KIRREL3: variants seen among roughly 807,000 people sequenced by gnomAD.
The protein encoded by KIRREL3 is kirre like nephrin family adhesion molecule 3.
KIRREL3 carries 36 observed loss-of-function variants against 89.7 expected under a neutral mutation model. The ratio of observed to expected loss-of-function variants is 0.40; its 90% CI spans 0.31 to 0.53. The LOEUF is 0.53. KIRREL3 is among the 20% of genes least tolerant of loss of function. The pLI, the probability that KIRREL3 is intolerant of heterozygous loss-of-function variation, is 0.49. For missense variants in KIRREL3, 864 were observed against 1,056.6 expected (o/e 0.82, Z 2.53); for synonymous variants, 445 against 441.4 (o/e 1.01, Z -0.10).
intron 1 of KIRREL3, among the ~76,000 whole-genome samples, chr11:126,956,019 G>T (rs1253488218): frequency 6.6e-6 from 1 of 152,178 alleles, no homozygotes; most frequent in African/African-American, 2.4e-5. Flanking sequence ...GGGACCCATT[G>T]CTGGGCTCTC....
Position 126,655,255 on chromosome 11 carries a change from C to T in KIRREL3, c.56-92343G>A, listed in dbSNP as rs1945084808. Among the ~76,000 whole-genome samples, 1 of 152,222 alleles carries T rather than the reference C, an allele frequency of 6.6e-6. No homozygotes were observed. On this transcript the variant is annotated intron_variant, in intron 1 of 16. Coordinates refer to ENST00000525144, the MANE Select transcript of KIRREL3 (RefSeq NM_032531.4). This position sits in a 1 kb window ranked among gnomAD's most constrained non-coding sequence, Gnocchi z 5.0. The stretch of plus-strand genomic sequence containing the variant: ...GATGTCAAAGCCTCACCCAGGAGAG[C>T]TCTCGCTGTTGCCTGCTTTTATCTG...
At chr11:126,445,201 T>C in intron 9 of KIRREL3, 96 bp from the exon 10 acceptor site, 3 of 1,470,506 alleles carry the variant, frequency 2.0e-6, no homozygotes, top group Non-Finnish European at 2.8e-6. Context: ...CTGGGGTAAC[T>C]GAGGCAGTCT....
Position 126,446,915 on chromosome 11 carries a change from T to G in KIRREL3, c.998-29A>C, listed in dbSNP as rs1955841390. ...CGATGTGAGGAAGAAGAAGACAGGTTCAGGTGGGTGGGGAGCTCTGGGATC... is the reference window on the plus strand; with the variant it reads ...CGATGTGAGGAAGAAGAAGACAGGTGCAGGTGGGTGGGGAGCTCTGGGATC... On this transcript the variant is annotated intron_variant, in intron 8 of 16. Coordinates refer to ENST00000525144, the MANE Select transcript of KIRREL3 (RefSeq NM_032531.4). 1.1e-5 allele frequency: 17 copies of G among 1,598,836 alleles called. No homozygotes were observed. In the Middle Eastern group the frequency reaches 2.8e-3, roughly 265 times the overall value.
chr11:126,441,816 G>A lies in KIRREL3; in HGVS notation c.1253-1267C>T, dbSNP rs531459755. On this transcript the variant is annotated intron_variant, in intron 10 of 16. Transcript: ENST00000525144. This position sits in a 1 kb window ranked among gnomAD's most constrained non-coding sequence, Gnocchi z 5.0. ...GGGCTCGGGGCAGCGTGAGGTGGGCGTGGGGGACCCTCCATGGCTTTAAGA... is the reference window on the plus strand; with the variant it reads ...GGGCTCGGGGCAGCGTGAGGTGGGCATGGGGGACCCTCCATGGCTTTAAGA... Among the ~76,000 whole-genome samples the A allele has an allele frequency of 1.3e-5, 2 of 152,156 alleles. No homozygotes were observed. Among genetic ancestry groups the A allele is most frequent in the Non-Finnish European group, 2.9e-5 (2 of 68,026 alleles).
Position 126,676,745 on chromosome 11 carries a change from G to T in KIRREL3, c.56-113833C>A, listed in dbSNP as rs1743849172. Among the ~76,000 whole-genome samples, 3 of 151,594 alleles carry T rather than the reference G, an allele frequency of 2.0e-5. No homozygotes were observed. The highest frequency in any genetic ancestry group is 6.6e-5 in the Admixed American group (1 of 15,232). On this transcript the variant is annotated intron_variant, in intron 1 of 16. Coordinates refer to ENST00000525144, the MANE Select transcript of KIRREL3 (RefSeq NM_032531.4). This position sits in a 1 kb window ranked among gnomAD's most constrained non-coding sequence, Gnocchi z 4.5. ...GCTTCCCATGGCAACATGTGGTGTT[G>T]TTTTTACTACTGCAACTTTTTATTT...
intron 1 of KIRREL3, among the ~76,000 whole-genome samples, chr11:126,775,237 A>G (rs1480052865): frequency 6.6e-6 from 1 of 152,180 alleles, no homozygotes; most frequent in Non-Finnish European, 1.5e-5. Flanking sequence ...AGATATGCTC[A>G]CTTAAGGAGT....
In KIRREL3 at chr11:126,780,935, A is replaced by G. The variant is rs1309698735; in HGVS notation, c.56-218023T>C. 1.3e-5 allele frequency among the ~76,000 whole-genome samples: 2 copies of G among 152,232 alleles called. No homozygotes were observed. Among genetic ancestry groups the G allele is most frequent in the African/African-American group, 4.8e-5 (2 of 41,456 alleles). On this transcript the variant is annotated intron_variant, in intron 1 of 16. Transcript: ENST00000525144. The surrounding 1 kb of genome is among the most constrained non-coding windows in gnomAD (Gnocchi z 5.3). ...ATGGCTTAGTTTGTTATGAGTTTCA[A>G]TCTATCATAGATGCTAAATAAAAGT... is the stretch of plus-strand genomic sequence containing the variant.
intron 1 of KIRREL3, among the ~76,000 whole-genome samples, chr11:126,613,893 T>TTTTTTTTTTTTTTTTTTTTTTG (rs371748740): frequency 2.5e-5 from 3 of 118,642 alleles, no homozygotes; most frequent in Non-Finnish European, 3.4e-5. Context: ...TTTTTTTTTT[T>TTTTTTTTTTTTTTTTTTTTTTG]ATTTTTTTCC....
intron 1 of KIRREL3, among the ~76,000 whole-genome samples, chr11:126,964,046 C>T (rs948345421): frequency 6.6e-6 from 1 of 152,182 alleles, no homozygotes; most frequent in Non-Finnish European, 1.5e-5. Context: ...GGACCTATCT[C>T]ATGAATTTTT....
intron 2 of KIRREL3, among the ~76,000 whole-genome samples, chr11:126,545,609 T>A (rs1316733988): frequency 5.4e-5 from 6 of 110,982 alleles, no homozygotes; most frequent in African/African-American, 2.5e-4. Context: ...TCTCAATTTT[T>A]AAAAATAAAA....
At chr11:126,478,270 C>T (rs1957121883) in intron 4 of KIRREL3, among the ~76,000 whole-genome samples, 2 of 152,244 alleles carry the variant, frequency 1.3e-5, no homozygotes, top group South Asian at 4.1e-4. Flanking sequence ...CACTACCCAC[C>T]CCTGCACTTT....
chr11:126,938,358 C>A lies in KIRREL3; in HGVS notation c.55+62097G>T, dbSNP rs536036602. On this transcript the variant is annotated intron_variant, in intron 1 of 16. Transcript: ENST00000525144. ...CTAATGACACTGGGCACTTGACTGG[C>A]ATATTTTCTCTAATTCTTACAACTC... Among the ~76,000 whole-genome samples the A allele has an allele frequency of 3.3e-5, 5 of 152,286 alleles. No homozygotes were observed. The East Asian group carries it at 9.7e-4, about 29-fold the overall frequency.
rs1246137909 is a variant in KIRREL3 at position 126,896,947 on chromosome 11, G to A, written c.55+103508C>T. On this transcript the variant is annotated intron_variant, in intron 1 of 16. Coordinates refer to ENST00000525144, the MANE Select transcript of KIRREL3 (RefSeq NM_032531.4). This position sits in a 1 kb window ranked among gnomAD's most constrained non-coding sequence, Gnocchi z 4.1. Reference sequence around the variant, plus strand: ...TTGATATTTCTGGCTCCTTTCTTTTGTTACTCTAAGACTTTGCAGAATCAA... The same window carrying A: ...TTGATATTTCTGGCTCCTTTCTTTTATTACTCTAAGACTTTGCAGAATCAA... 1.3e-5 allele frequency among the ~76,000 whole-genome samples: 2 copies of A among 152,006 alleles called. No individual in the cohort carries two copies. Among genetic ancestry groups the A allele is most frequent in the Non-Finnish European group, 2.9e-5 (2 of 68,018 alleles).
intron 1 of KIRREL3, chr11:126,992,520 G>T (rs1454070278): frequency 6.6e-6 from 1 of 152,266 alleles, no homozygotes; most frequent in Non-Finnish European, 1.5e-5. Context: ...ACAGGCCAAA[G>T]TGTGGAACAT....
chr11:126,686,533 C>A lies in KIRREL3; in HGVS notation c.56-123621G>T, dbSNP rs1015215182. ...ACTGAGCGGGGAGGGTGGGGAGGGA[C>A]TGTGCGTTCCTGCGCATGTTACCCT... On this transcript the variant is annotated intron_variant, in intron 1 of 16. Coordinates refer to ENST00000525144, the MANE Select transcript of KIRREL3 (RefSeq NM_032531.4). The surrounding 1 kb of genome is among the most constrained non-coding windows in gnomAD (Gnocchi z 4.7). Among the ~76,000 whole-genome samples, 1 of 152,016 alleles carries A rather than the reference C, an allele frequency of 6.6e-6. No individual in the cohort carries two copies. The highest frequency in any genetic ancestry group is 1.5e-5 in the Non-Finnish European group (1 of 67,992).
chr11:126,451,335 T>TGTGTGCATGTGTGTGC (rs766149803), intron 7 of KIRREL3, among the ~76,000 whole-genome samples: 3 of 141,226 alleles, frequency 2.1e-5, no homozygotes, highest in African/African-American at 5.5e-5. Context: ...CATTAGTGAG[T>TGTGTGCATGTGTGTGC]GTGTGCATGT....
At chr11:126,730,537 C>T (rs1948575603) in intron 1 of KIRREL3, among the ~76,000 whole-genome samples, 1 of 152,130 alleles carries the variant, frequency 6.6e-6, no homozygotes, top group African/African-American at 2.4e-5. Flanking sequence ...TTGTCTTCCC[C>T]ACCTAGGGGA....
At chr11:126,591,555 T>G (rs1942132443) in intron 1 of KIRREL3, among the ~76,000 whole-genome samples, 1 of 152,180 alleles carries the variant, frequency 6.6e-6, no homozygotes, top group African/African-American at 2.4e-5. Context: ...TCCAGCCTTG[T>G]GTATACCAGC....
chr11:126,879,220 A>G lies in KIRREL3; in HGVS notation c.55+121235T>C, dbSNP rs1945405651. On this transcript the variant is annotated intron_variant, in intron 1 of 16. Transcript: ENST00000525144. This position sits in a 1 kb window ranked among gnomAD's most constrained non-coding sequence, Gnocchi z 5.4. ...AACCTATAACCAGGATGCAGATGCT[A>G]TATGCAGCTGTTATGCAAAGAAGCT... Among the ~76,000 whole-genome samples, 3 of 152,230 alleles carry G rather than the reference A, an allele frequency of 2.0e-5. No homozygotes were observed. The South Asian group carries it at 6.2e-4, about 32-fold the overall frequency.
Sources: allele counts gnomAD v4.1 joint callset (sites outside exome capture counted in the v4.1 genomes callset), GRCh38; gene constraint gnomAD v4.1.1; non-coding constraint Gnocchi (gnomAD v3.1); transcripts MANE v1.5; gene names NCBI Gene and HGNC (gene_info 2026-07-23, HGNC 2026-07-21).